RAB42: variants seen among roughly 807,000 people sequenced by gnomAD.
The protein encoded by RAB42 is ras-related protein Rab-42.
Under a neutral mutation model 7.5 loss-of-function variants are expected in RAB42, and 4 were observed. The ratio of observed to expected loss-of-function variants is 0.53; its 90% CI spans 0.26 to 1.22. RAB42 has a LOEUF of 1.22. Among genes scored for constraint, RAB42 ranks in the 50% most tolerant of loss-of-function variants. The pLI, the probability that RAB42 is intolerant of heterozygous loss-of-function variation, is 0.13. For missense variants in RAB42, 208 were observed against 281.2 expected (o/e 0.74, Z 1.86); for synonymous variants, 82 against 129.0 (o/e 0.64, Z 2.47).
chr1:28,596,104 C>A (rs1170563906), downstream of RAB42, among the ~76,000 whole-genome samples: 1 of 151,556 alleles, frequency 6.6e-6, no homozygotes, highest in Non-Finnish European at 1.5e-5. Flanking sequence ...GCTGAGGGGT[C>A]TTCCTGTGCA....
At chr1:28,593,549 C>G in intron 1 of RAB42, 145 bp from the exon 2 acceptor site, 1 of 937,360 alleles carries the variant, frequency 1.1e-6, no homozygotes, top group Non-Finnish European at 1.6e-6. Flanking sequence ...GACACCGAGG[C>G]AGAGAACCAC....
chr1:28,593,068 G>C (rs1666354827), intron 1 of RAB42, among the ~76,000 whole-genome samples: 1 of 152,160 alleles, frequency 6.6e-6, no homozygotes, highest in African/African-American at 2.4e-5. Context: ...GATGTGGAAG[G>C]GAGAGAGGAT....
intron 1 of RAB42, among the ~76,000 whole-genome samples, chr1:28,593,396 C>T (rs1278600038): frequency 1.3e-5 from 2 of 152,054 alleles, no homozygotes; most frequent in African/African-American, 4.8e-5. Context: ...AGTAGAGACA[C>T]GGGGTTTCAC....
At chr1:28,593,098 AGAG>A (rs1307836372) in intron 1 of RAB42, among the ~76,000 whole-genome samples, 1 of 152,150 alleles carries the variant, frequency 6.6e-6, no homozygotes, top group Admixed American at 6.5e-5. Context: ...TTTGCCAGGA[AGAG>A]AACAGAGGAA....
At chr1:28,596,604 A>G (rs1227984188), downstream of RAB42, among the ~76,000 whole-genome samples, 1 of 152,252 alleles carries the variant, frequency 6.6e-6, no homozygotes, top group Non-Finnish European at 1.5e-5. Flanking sequence ...CCTGGGCGAT[A>G]GAGCGAGACT....
At chr1:28,596,201 C>A (rs1666431551), downstream of RAB42, among the ~76,000 whole-genome samples, 1 of 151,982 alleles carries the variant, frequency 6.6e-6, no homozygotes, top group Non-Finnish European at 1.5e-5. Context: ...TTACCTCAGA[C>A]ATTTATATTT....
Position 28,593,695 on chromosome 1 carries a change from T to A in RAB42, c.235T>A (p.Cys79Ser). ...WDTAGHERFR[C>S]ITRSFYRNVV... The stretch of plus-strand genomic sequence containing the variant: ...CTTTCCACCTCCCTGCCTCCCCAGG[T>A]GCATCACCAGGTCCTTTTACCGGAA... The change falls in exon 2 of 2, where the codon TGC (cysteine) becomes AGC (serine). Residue 79 changes from cysteine to serine, a missense_variant and splice_region_variant. Physicochemically the swap from Cys to Ser is moderately radical, Grantham distance 112. Coordinates refer to ENST00000465518, the MANE Select transcript of RAB42 (RefSeq NM_001193532.3). The A allele has an allele frequency of 2.0e-6, 3 of 1,537,328 alleles. No individual in the cohort carries two copies. The highest frequency in any genetic ancestry group is 2.6e-6 in the Non-Finnish European group (3 of 1,138,138).
chr1:28,593,690 C>G lies in RAB42; in HGVS notation c.234-4C>G. 2.0e-6 allele frequency: 3 copies of G among 1,534,240 alleles called. No individual in the cohort carries two copies. The highest frequency in any genetic ancestry group is 1.8e-6 in the Non-Finnish European group (2 of 1,136,330). Reference sequence around the variant, plus strand: ...CTTACCTTTCCACCTCCCTGCCTCCCCAGGTGCATCACCAGGTCCTTTTAC... The same window carrying G: ...CTTACCTTTCCACCTCCCTGCCTCCGCAGGTGCATCACCAGGTCCTTTTAC... On this transcript the variant is annotated splice_region_variant and splice_polypyrimidine_tract_variant and intron_variant, in intron 1 of 1. Coordinates refer to ENST00000465518, the MANE Select transcript of RAB42 (RefSeq NM_001193532.3).
At position 28,594,086 on chromosome 1, in the gene RAB42, G is replaced by C; in HGVS notation, c.626G>C (p.Arg209Thr). The C allele has an allele frequency of 6.2e-7, 1 of 1,606,830 alleles. No individual in the cohort carries two copies. The highest frequency in any genetic ancestry group is 8.5e-7 in the Non-Finnish European group (1 of 1,175,910). Residue 209 changes from arginine to threonine, a missense_variant, in exon 2 of 2, where the codon AGG becomes ACG. Physicochemically the swap from Arg to Thr is moderately conservative, Grantham distance 71. Transcript: ENST00000465518. ...HKTQIPRSPS[R>T]KQHSGPCQC ...ACCCAAATCCCCAGGTCCCCCAGCA[G>C]GAAGCAGCACTCAGGCCCATGCCAG...
intron 1 of RAB42, 128 bp from the exon 2 acceptor site, chr1:28,593,565 CG>C: frequency 1.9e-6 from 2 of 1,030,274 alleles, no homozygotes; most frequent in East Asian, 5.2e-5. Context: ...ACCACGGGGC[CG>C]TGTGAAGTGA....
Position 28,594,015 on chromosome 1 carries a change from C to T in RAB42, c.555C>T (p.Asp185=). 6.2e-7 allele frequency: 1 copy of T among 1,613,926 alleles called. No individual in the cohort carries two copies. Among genetic ancestry groups the T allele is most frequent in the African/African-American group, 1.3e-5 (1 of 75,034 alleles). ...DAIQQALQQG[D]IKLEEGWGGV... is the part of the protein sequence containing the mutation. ...TCCAGCAGGCCCTGCAGCAGGGGGA[C>T]ATCAAGCTAGAAGAGGGCTGGGGGG... Residue 185 remains aspartate (D), a synonymous_variant, in exon 2 of 2, where the codon GAC becomes GAT. Transcript: ENST00000465518.
rs757678788 is a variant in RAB42 at position 28,594,145 on chromosome 1, C to T, written c.*28C>T. 3 of 1,534,184 alleles carry T rather than the reference C, an allele frequency of 2.0e-6. No homozygotes were observed. The highest frequency in any genetic ancestry group is 1.3e-5 in the South Asian group (1 of 77,822). On this transcript the variant is annotated 3_prime_UTR_variant, in exon 2 of 2. Coordinates refer to ENST00000465518, the MANE Select transcript of RAB42 (RefSeq NM_001193532.3). ...CTAGGAGAGAAAGGGTTAAAGCAGT[C>T]CCAGCCTTAGCCCACCTGGTGGGAT...
chr1:28,596,577 G>A (rs1054060090), downstream of RAB42, among the ~76,000 whole-genome samples: 3 of 152,114 alleles, frequency 2.0e-5, no homozygotes, highest in Non-Finnish European at 4.4e-5. Flanking sequence ...AGCTGACACC[G>A]TGCCACCGCA....
downstream of RAB42, among the ~76,000 whole-genome samples, chr1:28,596,438 T>C (rs1466754619): frequency 1.3e-5 from 2 of 151,856 alleles, no homozygotes; most frequent in African/African-American, 2.4e-5. Context: ...CTGGCCAACA[T>C]TGGTGAAACC....
At chr1:28,596,514 G>A (rs1371822196), downstream of RAB42, among the ~76,000 whole-genome samples, 12 of 152,064 alleles carry the variant, frequency 7.9e-5, no homozygotes, top group Admixed American at 5.2e-4. Flanking sequence ...CCCAGCTACC[G>A]CGGAGTCTGA....
At position 28,594,744 on chromosome 1, in the gene RAB42, C is replaced by A. The variant is rs532515605; in HGVS notation, c.*627C>A. ...ACAGGATGTGCTCACCCAGAGCCTGCCGCGCTGTGAATTGAATGACAAAAG... is the reference window on the plus strand; with the variant it reads ...ACAGGATGTGCTCACCCAGAGCCTGACGCGCTGTGAATTGAATGACAAAAG... On this transcript the variant is annotated 3_prime_UTR_variant, in exon 2 of 2. Coordinates refer to ENST00000465518, the MANE Select transcript of RAB42 (RefSeq NM_001193532.3). 1.2e-5 allele frequency: 2 copies of A among 167,208 alleles called. No individual in the cohort carries two copies. Among genetic ancestry groups the A allele is most frequent in the East Asian group, 3.9e-4 (2 of 5,192 alleles). The allele number at this position is 167,208 out of a possible 1,614,324, so 10.4% of individuals were successfully genotyped here.
chr1:28,595,966 A>C (rs928256379), downstream of RAB42, among the ~76,000 whole-genome samples: 1 of 152,150 alleles, frequency 6.6e-6, no homozygotes, highest in African/African-American at 2.4e-5. Flanking sequence ...ACCTTGAGCT[A>C]GTTACTTGGC....
In RAB42 at chr1:28,592,404, G is replaced by C. The variant is rs1157514884; in HGVS notation, c.-108G>C. The stretch of plus-strand genomic sequence containing the variant: ...ACGCCCTCGGTGCCCCGCCGGGTAC[G>C]GTGGCTGGGCGCGGGGAGCGGGGGG... On this transcript the variant is annotated 5_prime_UTR_variant, in exon 1 of 2. Transcript: ENST00000465518. This position sits in a 1 kb window ranked among gnomAD's most constrained non-coding sequence, Gnocchi z 4.1. The C allele has an allele frequency of 5.1e-6, 2 of 391,950 alleles. No individual in the cohort carries two copies. The highest frequency in any genetic ancestry group is 1.1e-4 in the South Asian group (1 of 9,434). 24.3% of individuals were successfully genotyped at this position (391,950 alleles called of 1,614,324 possible).
At position 28,592,625 on chromosome 1, in the gene RAB42, G is replaced by GC. The variant is rs1666341436; in HGVS notation, c.116dup (p.Glu40GlyfsTer57). ...TGGCAGGCGCGCCTGGCGCCCCGGA[G>GC]CCGGAGCCCGAGCCCGAGCCCACGG... On this transcript the variant is annotated frameshift_variant, in exon 1 of 2. Transcript: ENST00000465518. LOFTEE classifies it high-confidence loss of function. The surrounding 1 kb of genome is among the most constrained non-coding windows in gnomAD (Gnocchi z 4.1). 1.6e-6 allele frequency: 2 copies of GC among 1,223,566 alleles called. No individual in the cohort carries two copies. Among genetic ancestry groups the GC allele is most frequent in the African/African-American group, 3.1e-5 (2 of 63,966 alleles). The allele number at this position is 1,223,566 out of a possible 1,614,324, so 75.8% of individuals were successfully genotyped here.
Sources: allele counts gnomAD v4.1 joint callset (sites outside exome capture counted in the v4.1 genomes callset), GRCh38; gene constraint gnomAD v4.1.1; non-coding constraint Gnocchi (gnomAD v3.1); transcripts MANE v1.5; gene names NCBI Gene and HGNC (gene_info 2026-07-23, HGNC 2026-07-21).